LHFPL6: variants seen among roughly 807,000 people sequenced by gnomAD.
LHFPL6 encodes the protein LHFPL tetraspan subfamily member 6, also known as LHFPL tetraspan subfamily member 6 protein.
A neutral mutation model predicts 20.6 loss-of-function variants in LHFPL6; 9 were observed. The observed-to-expected ratio is 0.44, with a 90% CI of 0.26 to 0.76. The LOEUF (loss-of-function observed/expected upper bound fraction) is 0.76, where lower values mean the gene tolerates loss of function less well. Among genes scored for constraint, LHFPL6 ranks in the 30% least tolerant of loss-of-function variants. The pLI is 0.20. For missense variants in LHFPL6, 218 were observed against 253.5 expected, an observed-to-expected ratio of 0.86 and a Z score of 0.95; for synonymous variants, 105 against 98.7, an observed-to-expected ratio of 1.06 and a Z score of -0.38.
intron 2 of LHFPL6, among the ~76,000 whole-genome samples, chr13:39,546,786 T>C (rs902563545): frequency 2.6e-5 from 4 of 152,066 alleles, no homozygotes; most frequent in Non-Finnish European, 5.9e-5. Context: ...CATGTCTTTG[T>C]CCACTGCTTT....
At chr13:39,447,986 G>A (rs936086209) in intron 2 of LHFPL6, among the ~76,000 whole-genome samples, 1 of 152,106 alleles carries the variant, frequency 6.6e-6, no homozygotes, top group Non-Finnish European at 1.5e-5. Context: ...CTGAATATTT[G>A]TGCTACCCTC....
rs79847638 is a variant in LHFPL6 at position 39,575,358 on chromosome 13, A to G, written c.385+25474T>C. 9.3e-4 allele frequency among the ~76,000 whole-genome samples: 141 copies of G among 152,294 alleles called. 1 individual carries two copies. The highest frequency in any genetic ancestry group is 3.4e-3 in the African/African-American group (140 of 41,560). On this transcript the variant is annotated intron_variant, in intron 2 of 3. Transcript: ENST00000379589. ...TCAGACTTTAGCGCACAGTTAAGGA[A>G]CGATTTTTAATACATTTTCCTCCAG... is the stretch of plus-strand genomic sequence containing the variant.
chr13:39,357,588 C>T (rs2138342103), intron 3 of LHFPL6, among the ~76,000 whole-genome samples: 1 of 152,256 alleles, frequency 6.6e-6, no homozygotes, highest in Non-Finnish European at 1.5e-5. Flanking sequence ...TGATTCTATA[C>T]CTAGAAAACC....
At chr13:39,515,063 G>A (rs897518081) in intron 2 of LHFPL6, among the ~76,000 whole-genome samples, 3 of 152,200 alleles carry the variant, frequency 2.0e-5, no homozygotes, top group South Asian at 4.1e-4. Context: ...TGCGTTCATT[G>A]GATCCTGATG....
At chr13:39,553,559 A>AC (rs1555267821) in intron 2 of LHFPL6, among the ~76,000 whole-genome samples, 2 of 151,994 alleles carry the variant, frequency 1.3e-5, no homozygotes, top group Non-Finnish European at 2.9e-5. Context: ...AAAAAAAAAT[A>AC]TTTTTTTTAA....
intron 2 of LHFPL6, among the ~76,000 whole-genome samples, chr13:39,397,525 T>C (rs1180278883): frequency 6.6e-6 from 1 of 152,248 alleles, no homozygotes; most frequent in Non-Finnish European, 1.5e-5. Flanking sequence ...TTACCGACTT[T>C]TACTTAATTA....
intron 2 of LHFPL6, among the ~76,000 whole-genome samples, chr13:39,395,756 T>C (rs755159536): frequency 1.3e-5 from 2 of 152,216 alleles, no homozygotes; most frequent in Non-Finnish European, 2.9e-5. Context: ...GGAAGTCACA[T>C]TCTAGAAGGT....
At chr13:39,403,986 G>A (rs989894807) in intron 2 of LHFPL6, among the ~76,000 whole-genome samples, 1 of 152,172 alleles carries the variant, frequency 6.6e-6, no homozygotes, top group Non-Finnish European at 1.5e-5. Flanking sequence ...CCTGATAAAT[G>A]CTGTTGTTTT....
At chr13:39,501,592 C>T (rs1869296292) in intron 2 of LHFPL6, among the ~76,000 whole-genome samples, 1 of 152,080 alleles carries the variant, frequency 6.6e-6, no homozygotes, top group African/African-American at 2.4e-5. Context: ...GGATTCTCAA[C>T]TTTATTGACA....
intron 2 of LHFPL6, among the ~76,000 whole-genome samples, chr13:39,523,486 G>A (rs1290840757): frequency 1.3e-5 from 2 of 151,852 alleles, no homozygotes; most frequent in East Asian, 1.9e-4. Flanking sequence ...GGAGAATGGC[G>A]TGAACCCGTG....
At chr13:39,523,536 C>T (rs9576832) in intron 2 of LHFPL6, among the ~76,000 whole-genome samples, 2,489 of 135,080 alleles carry the variant, frequency 0.018, 59 homozygotes, top group East Asian at 0.1. Flanking sequence ...AGCGAGACTC[C>T]GTCTCAAAAG....
intron 2 of LHFPL6, among the ~76,000 whole-genome samples, chr13:39,540,974 T>C (rs773563668): frequency 6.6e-6 from 1 of 152,184 alleles, no homozygotes; most frequent in Non-Finnish European, 1.5e-5. Flanking sequence ...ACAAGAATAG[T>C]TAATACTTAA....
intron 2 of LHFPL6, among the ~76,000 whole-genome samples, chr13:39,531,020 G>A (rs866557505): frequency 6.6e-6 from 1 of 151,474 alleles, no homozygotes; most frequent in Non-Finnish European, 1.5e-5. Flanking sequence ...ACATTCATGA[G>A]GTGTCTACAC....
intron 2 of LHFPL6, among the ~76,000 whole-genome samples, chr13:39,461,810 T>C (rs1162286971): frequency 2.1e-5 from 3 of 141,440 alleles, no homozygotes; most frequent in African/African-American, 8.3e-5. Flanking sequence ...CAGCCCAGCA[T>C]ACATTGGTAC....
chr13:39,414,035 G>T (rs1256980854), intron 2 of LHFPL6, among the ~76,000 whole-genome samples: 1 of 152,108 alleles, frequency 6.6e-6, no homozygotes, highest in Non-Finnish European at 1.5e-5. Flanking sequence ...TTCATTATGT[G>T]AATATACCAC....
At chr13:39,549,239 T>C (rs1871074654) in intron 2 of LHFPL6, among the ~76,000 whole-genome samples, 1 of 152,180 alleles carries the variant, frequency 6.6e-6, no homozygotes, top group Non-Finnish European at 1.5e-5. Flanking sequence ...AAGGCAGTTC[T>C]ATGGTGAAAG....
chr13:39,407,788 C>T (rs953929886), intron 2 of LHFPL6, among the ~76,000 whole-genome samples: 2 of 152,224 alleles, frequency 1.3e-5, no homozygotes, highest in African/African-American at 2.4e-5. Context: ...AATTTATGAC[C>T]TGTCAACTTT....
chr13:39,543,443 G>C (rs750028967), intron 2 of LHFPL6, among the ~76,000 whole-genome samples: 6 of 152,154 alleles, frequency 3.9e-5, no homozygotes, highest in African/African-American at 7.2e-5. Flanking sequence ...ATCTGTCATG[G>C]TGCTGGCACA....
chr13:39,572,973 C>T (rs879824043), intron 2 of LHFPL6, among the ~76,000 whole-genome samples: 1 of 152,114 alleles, frequency 6.6e-6, no homozygotes, highest in Non-Finnish European at 1.5e-5. Context: ...AGGTGAGATA[C>T]GCAATCTAAT....
Sources: gnomAD v4.1 joint callset for allele counts (sites outside exome capture counted in the v4.1 genomes callset) on GRCh38, gnomAD v4.1.1 for gene constraint, MANE v1.5 for transcripts, NCBI Gene and HGNC (gene_info 2026-07-23, HGNC 2026-07-21) for gene names.